The following GRM4 variants were observed in gnomAD, a reference collection of about 807,000 sequenced individuals.
GRM4 encodes metabotropic glutamate receptor 4.
GRM4 carries 28 observed loss-of-function variants against 81.7 expected under a neutral mutation model. That is an observed-to-expected ratio of 0.34 (90% CI 0.25 to 0.47). The LOEUF is 0.47. Ranked by LOEUF, GRM4 falls within the 20% of genes least tolerant of loss-of-function variation. The pLI is 1.00. For missense variants in GRM4, 948 were observed against 1,290.0 expected, an observed-to-expected ratio of 0.73 and a Z score of 4.06; for synonymous variants, 488 against 528.8, an observed-to-expected ratio of 0.92 and a Z score of 1.06.
intron 2 of GRM4, among the ~76,000 whole-genome samples, chr6:34,120,780 G>C (rs570347800): frequency 2.6e-5 from 4 of 152,276 alleles, no homozygotes; most frequent in Non-Finnish European, 4.4e-5. Context: ...ATTTTTAATA[G>C]AGACAGGGTT....
At chr6:34,112,435 A>G (rs1217668577) in intron 2 of GRM4, among the ~76,000 whole-genome samples, 1 of 152,118 alleles carries the variant, frequency 6.6e-6, no homozygotes, top group Non-Finnish European at 1.5e-5. Context: ...CTCTCTGCCA[A>G]AAATATGAAA....
chr6:34,040,907 G>A (rs1764992039), intron 6 of GRM4, among the ~76,000 whole-genome samples, 159 bp from the exon 7 acceptor site: 1 of 152,226 alleles, frequency 6.6e-6, no homozygotes, highest in South Asian at 2.1e-4. Context: ...CTATCACCCA[G>A]GAGATGGCCC....
Position 34,069,990 on chromosome 6 carries a change from C to T in GRM4, c.737-7962G>A, listed in dbSNP as rs377142133. 6.6e-5 allele frequency among the ~76,000 whole-genome samples: 10 copies of T among 152,196 alleles called. No homozygotes were observed. The highest frequency in any genetic ancestry group is 2.1e-4 in the South Asian group (1 of 4,836). The stretch of plus-strand genomic sequence containing the variant: ...GGACACGTGCGGGGCCTGCCCAGGA[C>T]GGCGGTAATCCACACTTGCTGGACG... On this transcript the variant is annotated intron_variant, in intron 3 of 10. Transcript: ENST00000538487. This position sits in a 1 kb window ranked among gnomAD's most constrained non-coding sequence, Gnocchi z 6.4.
rs1232304697 is a variant in GRM4 at position 34,073,151 on chromosome 6, CCA to C, written c.737-11125_737-11124del. Among the ~76,000 whole-genome samples, 23 of 60,864 alleles carry C rather than the reference CCA, an allele frequency of 3.8e-4. 2 individuals are homozygous for C. The East Asian group carries it at 4.1e-3, about 11-fold the overall frequency. 39.9% of individuals were successfully genotyped at this position (60,864 alleles called of 152,430 possible). ...ACACCACACACACACACACACATCACCACAGACACACACCCACACACCACCAC... is the reference window on the plus strand; with the variant it reads ...ACACCACACACACACACACACATCACCAGACACACACCCACACACCACCAC... On this transcript the variant is annotated intron_variant, in intron 3 of 10. Coordinates refer to ENST00000538487, the MANE Select transcript of GRM4 (RefSeq NM_000841.4).
intron 9 of GRM4, among the ~76,000 whole-genome samples, chr6:34,031,279 ATGGGCCCTCAC>A (rs1764403463): frequency 2.0e-5 from 3 of 152,120 alleles, no homozygotes; most frequent in African/African-American, 7.2e-5. Flanking sequence ...TCCTGTGTGG[ATGGGCCCTCAC>A]TGCACTCCAT....
At chr6:34,107,298 G>C (rs996316333) in intron 2 of GRM4, among the ~76,000 whole-genome samples, 9 of 152,164 alleles carry the variant, frequency 5.9e-5, no homozygotes, top group African/African-American at 1.9e-4. Context: ...CCTGGCAAGG[G>C]GGGAGAGGCG....
chr6:34,028,269 A>G lies in GRM4; in HGVS notation c.2540T>C (p.Phe847Ser), dbSNP rs1581583086. Residue 847 changes from phenylalanine to serine, a missense_variant, in exon 10 of 11, where the codon TTC becomes TCC. Coordinates refer to ENST00000538487, the MANE Select transcript of GRM4 (RefSeq NM_000841.4). ...LYMPKVYIILFHPEQNVPKRK... is the reference protein window; with the variant it reads ...LYMPKVYIILSHPEQNVPKRK... ...CTTGGGCACGTTCTGCTCCGGGTGG[A>G]AGAGGATGATGTAGACTTTGGGCAT... 2 of 1,613,888 alleles carry G rather than the reference A, an allele frequency of 1.2e-6. No homozygotes were observed. Among genetic ancestry groups the G allele is most frequent in the South Asian group, 1.1e-5 (1 of 91,066 alleles).
chr6:34,110,385 C>T (rs575286836), intron 2 of GRM4, among the ~76,000 whole-genome samples: 1 of 151,268 alleles, frequency 6.6e-6, no homozygotes, highest in Non-Finnish European at 1.5e-5. Context: ...GGCCCTGTGT[C>T]AGCTCCCCTG....
In GRM4 at chr6:34,022,090, G is replaced by C. The variant is rs1231404726; in HGVS notation, c.*731C>G. On this transcript the variant is annotated 3_prime_UTR_variant, in exon 11 of 11. Coordinates refer to ENST00000538487, the MANE Select transcript of GRM4 (RefSeq NM_000841.4). This position sits in a 1 kb window ranked among gnomAD's most constrained non-coding sequence, Gnocchi z 5.6. Reference sequence around the variant, plus strand: ...TGCGGGCCACAGGGACACACACAGAGGCCACCAGGAGGACGCAGCACTTGG... The same window carrying C: ...TGCGGGCCACAGGGACACACACAGACGCCACCAGGAGGACGCAGCACTTGG... 1 of 153,946 alleles carries C rather than the reference G, an allele frequency of 6.5e-6. No individual in the cohort carries two copies. Among genetic ancestry groups the C allele is most frequent in the Non-Finnish European group, 1.4e-5 (1 of 69,062 alleles). 9.5% of individuals were successfully genotyped at this position (153,946 alleles called of 1,614,324 possible). A position where few individuals can be genotyped will look rare whatever the true frequency, so the allele number is the denominator to read the frequency against.
chr6:34,051,725 G>A (rs1765621238), intron 6 of GRM4, among the ~76,000 whole-genome samples: 1 of 152,198 alleles, frequency 6.6e-6, no homozygotes, highest in Non-Finnish European at 1.5e-5. Flanking sequence ...AGCTCACTGA[G>A]GTTGGGGGGA....
At chr6:34,107,099 C>T (rs1769162657) in intron 2 of GRM4, among the ~76,000 whole-genome samples, 1 of 152,214 alleles carries the variant, frequency 6.6e-6, no homozygotes, top group South Asian at 2.1e-4. Flanking sequence ...GCTGAGCACT[C>T]AGGCTGCAGG....
At chr6:34,131,601 G>A (rs574641429) in intron 2 of GRM4, among the ~76,000 whole-genome samples, 18 of 152,046 alleles carry the variant, frequency 1.2e-4, no homozygotes, top group Admixed American at 3.9e-4. Context: ...TGCCACTCCC[G>A]CTCACCAGCT....
chr6:34,081,592 G>A (rs1023415587), intron 3 of GRM4, among the ~76,000 whole-genome samples: 31 of 152,230 alleles, frequency 2.0e-4, no homozygotes, highest in African/African-American at 5.8e-4. Context: ...ATGAAAAACC[G>A]GAGGCTCAGG....
intron 2 of GRM4, among the ~76,000 whole-genome samples, chr6:34,127,001 G>C (rs1486467260): frequency 2.6e-5 from 4 of 152,132 alleles, no homozygotes; most frequent in Non-Finnish European, 5.9e-5. Flanking sequence ...AGTTTCATAT[G>C]ATTTTCCAGT....
chr6:34,035,872 A>G lies in GRM4; in HGVS notation c.2238T>C (p.Cys746=). ...DPRFARGVLK[C]DISDLSLICL... Reference sequence around the variant, plus strand: ...AGATGAGCGACAGGTCCGAGATGTCACACTTGAGCACACCCCTGGCGAAGC... The same window carrying G: ...AGATGAGCGACAGGTCCGAGATGTCGCACTTGAGCACACCCCTGGCGAAGC... The change falls in exon 9 of 11, where the codon TGT becomes TGC. Residue 746 remains cysteine, a synonymous_variant. Transcript: ENST00000538487. The surrounding 1 kb of genome is among the most constrained non-coding windows in gnomAD (Gnocchi z 6.6). 6.2e-7 allele frequency: 1 copy of G among 1,609,458 alleles called. No individual in the cohort carries two copies. Among genetic ancestry groups the G allele is most frequent in the Non-Finnish European group, 8.5e-7 (1 of 1,176,114 alleles).
intron 3 of GRM4, among the ~76,000 whole-genome samples, chr6:34,072,304 C>T (rs1043859165): frequency 6.7e-6 from 1 of 149,492 alleles, no homozygotes; most frequent in East Asian, 2.0e-4. Flanking sequence ...ACCACACACA[C>T]ATCACACAGA....
At chr6:34,139,274 G>A (rs942182353) in intron 1 of GRM4, among the ~76,000 whole-genome samples, 11 of 152,244 alleles carry the variant, frequency 7.2e-5, no homozygotes, top group African/African-American at 1.7e-4. Context: ...TGATTCAGAG[G>A]CAACTGGCTC....
chr6:34,069,414 C>T lies in GRM4; in HGVS notation c.737-7386G>A, dbSNP rs938682966. Among the ~76,000 whole-genome samples the T allele has an allele frequency of 6.6e-6, 1 of 152,112 alleles. No individual in the cohort carries two copies. The highest frequency in any genetic ancestry group is 2.4e-5 in the African/African-American group (1 of 41,410). On this transcript the variant is annotated intron_variant, in intron 3 of 10. Transcript: ENST00000538487. This position sits in a 1 kb window ranked among gnomAD's most constrained non-coding sequence, Gnocchi z 6.4. ...AGAGGGGGTTTCAAGGTAAGAAGGA[C>T]ACCAGGCCCCAGCAAAGGCCCTCCC...
chr6:34,040,687 G>A lies in GRM4; in HGVS notation c.1230C>T (p.Ile410=), dbSNP rs144608064. ...YEQEGKVQFV[I]DAVYAMGHAL... ...CGTGGCCCATGGCGTACACGGCATC[G>A]ATCACAAACTGCACCTTCCCCTCCT... Residue 410 remains isoleucine, a synonymous_variant, in exon 7 of 11, where the codon ATC becomes ATT. Coordinates refer to ENST00000538487, the MANE Select transcript of GRM4 (RefSeq NM_000841.4). The A allele has an allele frequency of 2.9e-5, 47 of 1,613,932 alleles. No homozygotes were observed. Among genetic ancestry groups the A allele is most frequent in the Middle Eastern group, 1.6e-4 (1 of 6,084 alleles).
Sources: gnomAD v4.1 joint callset for allele counts (sites outside exome capture counted in the v4.1 genomes callset) on GRCh38, gnomAD v4.1.1 for gene constraint, Gnocchi (gnomAD v3.1) non-coding constraint, MANE v1.5 for transcripts, NCBI Gene and HGNC (gene_info 2026-07-23, HGNC 2026-07-21) for gene names.